Variants in PEX7 observed in about 807,000 individuals in gnomAD.
The protein encoded by PEX7 is peroxisomal biogenesis factor 7, also known as PTS2 receptor.
PEX7 carries 34 observed loss-of-function variants against 47.5 expected under a neutral mutation model. The ratio of observed to expected loss-of-function variants is 0.72; its 90% CI spans 0.54 to 0.95. The LOEUF is 0.95. PEX7 is among the 40% of genes least tolerant of loss of function. PEX7 has a pLI of 0.00. For synonymous variants in PEX7, 141 were observed against 148.8 expected, an observed-to-expected ratio of 0.95 and a Z score of 0.38; for missense variants, 394 against 400.3, an observed-to-expected ratio of 0.98 and a Z score of 0.13.
intron 9 of PEX7, among the ~76,000 whole-genome samples, chr6:136,908,573 A>C (rs1156768713): frequency 1.3e-5 from 2 of 152,160 alleles, no homozygotes; most frequent in Non-Finnish European, 2.9e-5. Context: ...GTAAAGGAAT[A>C]CATTTTCCAC....
rs1477685406 is a variant in PEX7, at chr6:136,913,532, A to G, written c.*6A>G. The G allele has an allele frequency of 6.3e-7, 1 of 1,593,122 alleles. No homozygotes were observed. Among genetic ancestry groups the G allele is most frequent in the South Asian group, 1.1e-5 (1 of 90,670 alleles). ...GTCTTACTATTCCTGCTTGAGATAC[A>G]CTACTTTGGTCAGAAACAGAGGATG... On this transcript the variant is annotated 3_prime_UTR_variant, in exon 10 of 10. Transcript: ENST00000318471.
intron 5 of PEX7, among the ~76,000 whole-genome samples, chr6:136,865,229 T>C (rs1373455469): frequency 1.3e-5 from 2 of 152,088 alleles, no homozygotes; most frequent in African/African-American, 2.4e-5. Flanking sequence ...GGTGGGAAGA[T>C]TGCCTGAGGT....
intron 7 of PEX7, among the ~76,000 whole-genome samples, chr6:136,871,102 T>C (rs1775172055): frequency 1.3e-5 from 2 of 152,220 alleles, no homozygotes; most frequent in Admixed American, 1.3e-4. Context: ...ATTTGTTTAA[T>C]TGGACAAGTT....
chr6:136,865,461 C>G (rs904018291), intron 5 of PEX7, among the ~76,000 whole-genome samples: 6 of 151,992 alleles, frequency 3.9e-5, no homozygotes, highest in African/African-American at 1.5e-4. Context: ...ACCACCACGC[C>G]CAACTAATTT....
intron 8 of PEX7, among the ~76,000 whole-genome samples, chr6:136,890,397 G>A (rs1775534297): frequency 1.3e-5 from 2 of 152,178 alleles, no homozygotes; most frequent in Non-Finnish European, 2.9e-5. Flanking sequence ...GCCTATGGAA[G>A]GCATTGAAAC....
At chr6:136,871,594 T>C (rs556215707) in intron 7 of PEX7, among the ~76,000 whole-genome samples, 1 of 152,330 alleles carries the variant, frequency 6.6e-6, no homozygotes, top group South Asian at 2.1e-4. Flanking sequence ...AGTCTCTCTC[T>C]GTCGCCGGGG....
At chr6:136,843,664 G>A (rs1467392957) in intron 3 of PEX7, among the ~76,000 whole-genome samples, 1 of 152,152 alleles carries the variant, frequency 6.6e-6, no homozygotes, top group Non-Finnish European at 1.5e-5. Context: ...AAACTCTTTA[G>A]CTCTCAAGAT....
chr6:136,857,286 T>G (rs760883560), intron 5 of PEX7, among the ~76,000 whole-genome samples: 2 of 152,252 alleles, frequency 1.3e-5, no homozygotes, highest in Non-Finnish European at 2.9e-5. Context: ...CCGAATGCCT[T>G]ACATAGCCAA....
intron 5 of PEX7, among the ~76,000 whole-genome samples, chr6:136,847,778 T>C (rs1363204677): frequency 6.6e-6 from 1 of 152,192 alleles, no homozygotes; most frequent in East Asian, 1.9e-4. Flanking sequence ...TCAGGTAGCT[T>C]GATGCCTCCA....
rs1466368201 is a variant in PEX7 at position 136,866,730 on chromosome 6, T to C, written c.630T>C (p.Asn210=). 3.7e-6 allele frequency: 6 copies of C among 1,610,716 alleles called. No homozygotes were observed. In the African/African-American group the frequency reaches 8.0e-5, roughly 22 times the overall value. ...EILSCDWCKY[N]ENLLVTGAVD... ...TGAGTTGTGACTGGTGTAAATACAA[T>C]GAGGTATAGTGTATGGCTCTATCCT... Residue 210 remains asparagine, a synonymous_variant, in exon 6 of 10, where the codon AAT becomes AAC. Coordinates refer to ENST00000318471, the MANE Select transcript of PEX7 (RefSeq NM_000288.4).
chr6:136,829,857 A>G, intron 3 of PEX7: 1 of 608,176 alleles, frequency 1.6e-6, no homozygotes, highest in Non-Finnish European at 2.9e-6. Flanking sequence ...GAATCATTTG[A>G]GCATGGGAGG....
rs747530925 is a variant in PEX7 at position 136,898,251 on chromosome 6, A to T, written c.903+10A>T. 1 of 1,475,484 alleles carries T rather than the reference A, an allele frequency of 6.8e-7. No homozygotes were observed. The highest frequency in any genetic ancestry group is 1.1e-5 in the South Asian group (1 of 88,180). The allele number at this position is 1,475,484 out of a possible 1,614,324, so 91.4% of individuals were successfully genotyped here. A position where few individuals can be genotyped will look rare whatever the true frequency, so the allele number is the denominator to read the frequency against. On this transcript the variant is annotated intron_variant, in intron 9 of 9. Transcript: ENST00000318471. ...TCAGAGCCCCACTCAGGTAACGGAT[A>T]CAATCTCATGATATTCTCTTCTGCC... is the stretch of plus-strand genomic sequence containing the variant.
chr6:136,889,900 G>A (rs1166731349), intron 8 of PEX7, among the ~76,000 whole-genome samples: 1 of 152,208 alleles, frequency 6.6e-6, no homozygotes, highest in Admixed American at 6.5e-5. Flanking sequence ...ACTCTAATGT[G>A]TGCAATTATA....
At position 136,867,148 on chromosome 6, in the gene PEX7, A is replaced by G. The variant is rs368117018; in HGVS notation, c.633+415A>G. On this transcript the variant is annotated intron_variant, in intron 6 of 9. Transcript: ENST00000318471. Reference sequence around the variant, plus strand: ...ATCAGTTTTTAAATTTTTCTGTTTTATCTTCCTTTTTAAGCCTAACCAATT... The same window carrying G: ...ATCAGTTTTTAAATTTTTCTGTTTTGTCTTCCTTTTTAAGCCTAACCAATT... Among the ~76,000 whole-genome samples the G allele has an allele frequency of 6.2e-4, 94 of 152,218 alleles. 2 individuals carry two copies. The highest frequency in any genetic ancestry group is 2.2e-3 in the African/African-American group (92 of 41,526).
chr6:136,860,036 A>T (rs1454519909), intron 5 of PEX7, among the ~76,000 whole-genome samples: 2 of 151,996 alleles, frequency 1.3e-5, no homozygotes, highest in African/African-American at 2.4e-5. Context: ...AAGAAAAAAA[A>T]ATTCACTGGT....
chr6:136,906,137 A>G (rs537549905), intron 9 of PEX7, among the ~76,000 whole-genome samples: 2 of 152,300 alleles, frequency 1.3e-5, no homozygotes, highest in East Asian at 3.9e-4. Flanking sequence ...TGGTTTTGTT[A>G]GTGCTTGACC....
chr6:136,838,357 A>G (rs1774433558), intron 3 of PEX7, among the ~76,000 whole-genome samples: 1 of 152,246 alleles, frequency 6.6e-6, no homozygotes, highest in South Asian at 2.1e-4. Flanking sequence ...AACATTTGGG[A>G]TAATCCAGAA....
intron 8 of PEX7, among the ~76,000 whole-genome samples, chr6:136,878,807 G>T (rs1319664626): frequency 6.6e-5 from 10 of 151,990 alleles, no homozygotes; most frequent in African/African-American, 2.4e-4. Context: ...TTTATGTTAT[G>T]ATTATTATTT....
At chr6:136,863,518 G>A (rs1775003630) in intron 5 of PEX7, among the ~76,000 whole-genome samples, 1 of 152,108 alleles carries the variant, frequency 6.6e-6, no homozygotes, top group African/African-American at 2.4e-5. Context: ...AAACTAAAGG[G>A]CTGTGGACCA....
Sources: gnomAD v4.1 joint callset for allele counts (sites outside exome capture counted in the v4.1 genomes callset) on GRCh38, gnomAD v4.1.1 for gene constraint, MANE v1.5 for transcripts, NCBI Gene and HGNC (gene_info 2026-07-23, HGNC 2026-07-21) for gene names.